Variants in PEAK1 observed in about 807,000 individuals in gnomAD.
PEAK1 encodes the protein inactive tyrosine-protein kinase PEAK1.
A neutral mutation model predicts 124.7 loss-of-function variants in PEAK1; 54 were observed. The observed-to-expected ratio is 0.43, with a 90% CI of 0.35 to 0.54. PEAK1 has a LOEUF of 0.54. Ranked by LOEUF, PEAK1 falls within the 20% of genes least tolerant of loss-of-function variation. The probability of loss-of-function intolerance (pLI) is 0.01; values close to 1 mark genes in which losing one functional copy is unlikely to be tolerated. For synonymous variants in PEAK1, 719 were observed against 760.0 expected, an observed-to-expected ratio of 0.95 and a Z score of 0.89; for missense variants, 2,046 against 2,134.5, an observed-to-expected ratio of 0.96 and a Z score of 0.82.
intron 6 of PEAK1, among the ~76,000 whole-genome samples, chr15:77,231,921 T>G (rs1401577284): frequency 6.6e-6 from 1 of 152,198 alleles, no homozygotes; most frequent in African/African-American, 2.4e-5. Flanking sequence ...TGACTATGTT[T>G]AAATAGATAT....
At chr15:77,123,546 C>T (rs1029531499) in intron 9 of PEAK1, among the ~76,000 whole-genome samples, 6 of 152,192 alleles carry the variant, frequency 3.9e-5, no homozygotes, top group African/African-American at 1.2e-4. Context: ...TTGTTCCTCT[C>T]TGGCCTTAGT....
intron 1 of PEAK1, among the ~76,000 whole-genome samples, chr15:77,386,693 G>A (rs963021920): frequency 2.6e-5 from 4 of 152,170 alleles, no homozygotes; most frequent in African/African-American, 2.4e-5. Flanking sequence ...TTATTTTACA[G>A]AGTGAGAAAT....
chr15:77,154,862 G>C (rs910182475), intron 8 of PEAK1, among the ~76,000 whole-genome samples: 76 of 152,178 alleles, frequency 5.0e-4, no homozygotes, highest in African/African-American at 1.8e-3. Context: ...TCAGCTGTTA[G>C]TCTGATGGGC....
At chr15:77,235,460 G>A (rs1442670023) in intron 6 of PEAK1, among the ~76,000 whole-genome samples, 4 of 152,248 alleles carry the variant, frequency 2.6e-5, no homozygotes, top group Admixed American at 1.3e-4. Flanking sequence ...TGTGCATTAC[G>A]CCTGTCCTAG....
At chr15:77,350,544 C>G (rs900701551) in intron 2 of PEAK1, 2 of 978,988 alleles carry the variant, frequency 2.0e-6, no homozygotes, top group African/African-American at 3.5e-5. Context: ...AATTGTGAGT[C>G]TCCTTAGTGT....
chr15:77,161,893 G>T (rs7173670), intron 7 of PEAK1, among the ~76,000 whole-genome samples: 1 of 150,296 alleles, frequency 6.7e-6, no homozygotes, highest in Admixed American at 6.6e-5. Context: ...TTGAACTCAG[G>T]GGGCAGAGGT....
chr15:77,402,059 C>T (rs1183147343), intron 1 of PEAK1: 5 of 743,334 alleles, frequency 6.7e-6, no homozygotes, highest in African/African-American at 3.9e-5. Flanking sequence ...ATTAACTGGG[C>T]GTAGAGGCAT....
intron 6 of PEAK1, among the ~76,000 whole-genome samples, chr15:77,202,641 G>A (rs953386001): frequency 6.6e-6 from 1 of 151,808 alleles, no homozygotes; most frequent in African/African-American, 2.4e-5. Flanking sequence ...ATGGTGGTAG[G>A]TGCCTGTAGT....
intron 2 of PEAK1, among the ~76,000 whole-genome samples, chr15:77,321,672 T>A (rs1002208665): frequency 6.6e-6 from 1 of 152,210 alleles, no homozygotes; most frequent in Non-Finnish European, 1.5e-5. Context: ...TAGATCCCAA[T>A]TGTCAATTTC....
intron 6 of PEAK1, among the ~76,000 whole-genome samples, chr15:77,211,848 CAAAA>C (rs34360713): frequency 4.0e-5 from 2 of 49,776 alleles, no homozygotes; most frequent in Non-Finnish European, 8.0e-5. Flanking sequence ...AACTCCATCT[CAAAA>C]AAAAAAAAAA....
chr15:77,218,468 ACCCTGGG>A (rs1321590447), intron 6 of PEAK1, among the ~76,000 whole-genome samples: 6 of 151,546 alleles, frequency 4.0e-5, no homozygotes, highest in African/African-American at 1.5e-4. Context: ...CAACACTGCA[ACCCTGGG>A]ATGATTTTAT....
intron 8 of PEAK1, among the ~76,000 whole-genome samples, chr15:77,137,860 G>A (rs1321432143): frequency 6.6e-6 from 1 of 152,182 alleles, no homozygotes; most frequent in African/African-American, 2.4e-5. Context: ...GTTTGGCTGT[G>A]TCCCCACCCA....
chr15:77,259,967 T>C (rs985848354), intron 5 of PEAK1, among the ~76,000 whole-genome samples: 8 of 152,188 alleles, frequency 5.3e-5, no homozygotes, highest in African/African-American at 1.9e-4. Context: ...CTCCTGAGCA[T>C]TTAGCTAGAT....
chr15:77,373,518 G>T (rs748090398), intron 1 of PEAK1, among the ~76,000 whole-genome samples: 1 of 152,074 alleles, frequency 6.6e-6, no homozygotes, highest in Non-Finnish European at 1.5e-5. Context: ...AAATACTTCC[G>T]TAACATAGTC....
intron 1 of PEAK1, among the ~76,000 whole-genome samples, chr15:77,391,476 C>CAAAAA (rs536286745): frequency 3.2e-4 from 22 of 68,298 alleles, no homozygotes; most frequent in East Asian, 7.3e-4. Context: ...TAACTCATGG[C>CAAAAA]AAAAAAAAAA....
intron 2 of PEAK1, among the ~76,000 whole-genome samples, chr15:77,321,470 G>A (rs1440185778): frequency 6.6e-6 from 1 of 152,306 alleles, no homozygotes; most frequent in African/African-American, 2.4e-5. Context: ...TTTGAAAAGT[G>A]TCTGTTCATA....
At chr15:77,289,065 C>T (rs2063078863) in intron 2 of PEAK1, among the ~76,000 whole-genome samples, 1 of 152,048 alleles carries the variant, frequency 6.6e-6, no homozygotes, top group South Asian at 2.1e-4. Flanking sequence ...TACAGCTATC[C>T]CTATAAAGAG....
At chr15:77,234,814 T>A (rs11635908) in intron 6 of PEAK1, among the ~76,000 whole-genome samples, 40,976 of 151,300 alleles carry the variant, frequency 0.27, 5,639 homozygotes, top group South Asian at 0.41. Flanking sequence ...TAAAAAAAAA[T>A]ATATATATTT....
chr15:77,371,216 A>G, intron 1 of PEAK1: 1 of 984,342 alleles, frequency 1.0e-6, no homozygotes. Context: ...ATGGATAGCA[A>G]CCTTTCACAT....
Sources: gnomAD v4.1 joint callset for allele counts (sites outside exome capture counted in the v4.1 genomes callset) on GRCh38, gnomAD v4.1.1 for gene constraint, MANE v1.5 for transcripts, NCBI Gene and HGNC (gene_info 2026-07-23, HGNC 2026-07-21) for gene names.